The following PCDH9 variants were observed in gnomAD, a reference collection of about 807,000 sequenced individuals.
PCDH9 encodes the protein protocadherin-9.
In PCDH9, 24 loss-of-function variants were observed where a neutral mutation model predicts 70.6. That is an observed-to-expected ratio of 0.34 (90% CI 0.25 to 0.48). The LOEUF (loss-of-function observed/expected upper bound fraction) is 0.48, where lower values mean the gene tolerates loss of function less well. Among genes scored for constraint, PCDH9 ranks in the 20% least tolerant of loss-of-function variants. The pLI is 0.99. For synonymous variants in PCDH9, 562 were observed against 558.5 expected (o/e 1.01, Z -0.09); for missense variants, 1,281 against 1,503.6 (o/e 0.85, Z 2.45).
At chr13:66,805,578 G>A (rs774672271) in intron 3 of PCDH9, among the ~76,000 whole-genome samples, 5 of 152,076 alleles carry the variant, frequency 3.3e-5, no homozygotes, top group South Asian at 2.1e-4. Flanking sequence ...GTTCACTGAC[G>A]TTAAATAACA....
intron 3 of PCDH9, among the ~76,000 whole-genome samples, chr13:66,691,585 AT>A (rs1384034158): frequency 6.6e-6 from 1 of 152,162 alleles, no homozygotes; most frequent in Non-Finnish European, 1.5e-5. Flanking sequence ...TAGAAAAAAA[AT>A]AAACATAGAT....
chr13:66,901,870 G>A (rs2082281465), intron 3 of PCDH9, among the ~76,000 whole-genome samples: 1 of 151,618 alleles, frequency 6.6e-6, no homozygotes. Context: ...TGGTTTCTGA[G>A]GAGTATGGTT....
intron 3 of PCDH9, among the ~76,000 whole-genome samples, chr13:66,843,916 G>A (rs1450663637): frequency 6.6e-6 from 1 of 152,084 alleles, no homozygotes; most frequent in Non-Finnish European, 1.5e-5. Flanking sequence ...GTGCATTCAG[G>A]GCTTAAATTA....
At chr13:66,603,331 T>A (rs2077184834) in intron 4 of PCDH9, among the ~76,000 whole-genome samples, 1 of 152,042 alleles carries the variant, frequency 6.6e-6, no homozygotes, top group Admixed American at 6.6e-5. Flanking sequence ...AAAAAGGTTT[T>A]AACATTTTTA....
intron 3 of PCDH9, among the ~76,000 whole-genome samples, chr13:66,828,977 G>A (rs144048762): frequency 1.3e-5 from 2 of 151,878 alleles, no homozygotes; most frequent in Non-Finnish European, 1.5e-5. Context: ...AATTGATAAT[G>A]GCATTATTGA....
At chr13:66,532,520 A>C (rs553001664) in intron 4 of PCDH9, among the ~76,000 whole-genome samples, 1 of 152,256 alleles carries the variant, frequency 6.6e-6, no homozygotes, top group African/African-American at 2.4e-5. Context: ...TTTTATTGTC[A>C]AAATACATAT....
At chr13:66,494,012 A>C (rs1305554305) in intron 4 of PCDH9, among the ~76,000 whole-genome samples, 4 of 152,158 alleles carry the variant, frequency 2.6e-5, no homozygotes, top group African/African-American at 7.2e-5. Context: ...GTTCAGTTAC[A>C]TTTTTAAGAC....
intron 2 of PCDH9, among the ~76,000 whole-genome samples, chr13:67,025,598 C>T (rs1417667292): frequency 6.6e-6 from 1 of 151,884 alleles, no homozygotes; most frequent in Non-Finnish European, 1.5e-5. Flanking sequence ...TGTTGAATAT[C>T]CACTGTGTGC....
At chr13:66,628,471 C>T (rs1350923355) in intron 4 of PCDH9, among the ~76,000 whole-genome samples, 1 of 151,904 alleles carries the variant, frequency 6.6e-6, no homozygotes, top group African/African-American at 2.4e-5. Flanking sequence ...AAACATAAAC[C>T]AAATTTTTAT....
intron 4 of PCDH9, among the ~76,000 whole-genome samples, chr13:66,421,697 A>C (rs1303569778): frequency 1.3e-5 from 2 of 152,222 alleles, no homozygotes; most frequent in East Asian, 3.8e-4. Flanking sequence ...GGTACCAGCC[A>C]CTGCAAAAAC....
At chr13:66,539,927 G>T (rs1244342313) in intron 4 of PCDH9, among the ~76,000 whole-genome samples, 2 of 131,320 alleles carry the variant, frequency 1.5e-5, no homozygotes, top group Non-Finnish European at 3.1e-5. Context: ...CTGCAGTGTA[G>T]TAGTGGAATC....
chr13:67,017,046 T>G (rs544438569), intron 2 of PCDH9, among the ~76,000 whole-genome samples: 1 of 152,234 alleles, frequency 6.6e-6, no homozygotes, highest in Non-Finnish European at 1.5e-5. Flanking sequence ...AACTTAGCAA[T>G]GTGGATGCTA....
chr13:66,378,243 C>G (rs1956784613), intron 4 of PCDH9, among the ~76,000 whole-genome samples: 1 of 152,118 alleles, frequency 6.6e-6, no homozygotes, highest in Admixed American at 6.5e-5. Flanking sequence ...TTCAACCTTT[C>G]AAAGATGTAA....
chr13:66,825,437 C>T (rs899662455), intron 3 of PCDH9, among the ~76,000 whole-genome samples: 1,541 of 145,774 alleles, frequency 0.011, 28 homozygotes, highest in African/African-American at 0.037. Context: ...CCCGGGTTCA[C>T]GCCATTCTCC....
At chr13:66,352,842 G>T (rs1396603960) in intron 4 of PCDH9, among the ~76,000 whole-genome samples, 3 of 152,150 alleles carry the variant, frequency 2.0e-5, no homozygotes, top group Admixed American at 2.0e-4. Context: ...AAATAAAACT[G>T]TTAGTTGACA....
chr13:67,141,886 T>A (rs1030066626), intron 2 of PCDH9, among the ~76,000 whole-genome samples: 3 of 152,168 alleles, frequency 2.0e-5, no homozygotes, highest in African/African-American at 4.8e-5. Context: ...TGATATGGCA[T>A]CCATTCTGCA....
intron 2 of PCDH9, among the ~76,000 whole-genome samples, chr13:67,180,142 T>C (rs1162268925): frequency 6.6e-6 from 1 of 152,176 alleles, no homozygotes; most frequent in African/African-American, 2.4e-5. Flanking sequence ...TATTTAAGTG[T>C]GATATACTGA....
rs1207045633 is a variant in PCDH9 at position 67,228,483 on chromosome 13, G to T, written c.-43C>A. 2.7e-6 allele frequency: 4 copies of T among 1,491,582 alleles called. No individual in the cohort carries two copies. The South Asian group carries it at 4.1e-5, about 15-fold the overall frequency. The allele number at this position is 1,491,582 out of a possible 1,614,324, so 92.4% of individuals were successfully genotyped here. On this transcript the variant is annotated 5_prime_UTR_variant, in exon 2 of 5. Coordinates refer to ENST00000377865, the MANE Select transcript of PCDH9 (RefSeq NM_203487.3). ...CTTTTCCTGGATTTTAGGGTTTAAA[G>T]GTTTCCACTGAGGAATGATGCACAA...
chr13:66,397,443 T>A (rs1407872895), intron 4 of PCDH9, among the ~76,000 whole-genome samples: 2 of 106,974 alleles, frequency 1.9e-5, no homozygotes, highest in African/African-American at 3.5e-5. Flanking sequence ...TATACATATA[T>A]GTGTGTGTGT....
Sources: gnomAD v4.1 joint callset for allele counts (sites outside exome capture counted in the v4.1 genomes callset) on GRCh38, gnomAD v4.1.1 for gene constraint, MANE v1.5 for transcripts, NCBI Gene and HGNC (gene_info 2026-07-23, HGNC 2026-07-21) for gene names.